The following NCK2 variants were observed in gnomAD, a reference collection of about 807,000 sequenced individuals.
The protein encoded by NCK2 is cytoplasmic protein NCK2.
Under a neutral mutation model 33.9 loss-of-function variants are expected in NCK2, and 16 were observed. The observed-to-expected ratio is 0.47, with a 90% confidence interval of 0.32 to 0.72. The LOEUF is 0.72. NCK2 is among the 30% of genes least tolerant of loss of function. The pLI is 0.03. For missense variants in NCK2, 418 were observed against 537.3 expected (o/e 0.78, Z 2.19); for synonymous variants, 273 against 239.9 (o/e 1.14, Z -1.27).
At position 105,766,170 on chromosome 2, in the gene NCK2, G is replaced by A. The variant is rs139446282; in HGVS notation, c.-201+21032G>A. Among the ~76,000 whole-genome samples, 431 of 152,200 alleles carry A rather than the reference G, an allele frequency of 2.8e-3. 4 individuals carry two copies. Among genetic ancestry groups the A allele is most frequent in the African/African-American group, 0.01 (419 of 41,496 alleles). On this transcript the variant is annotated intron_variant, in intron 1 of 4. Coordinates refer to ENST00000233154, the MANE Select transcript of NCK2 (RefSeq NM_003581.5). ...CAGGTGGGGCTGAGTGGGGAAGTGG[G>A]GCCTAGGAAGCACATTCTGGTAGCA...
At chr2:105,749,091 A>G (rs1689374801) in intron 1 of NCK2, among the ~76,000 whole-genome samples, 1 of 152,246 alleles carries the variant, frequency 6.6e-6, no homozygotes, top group South Asian at 2.1e-4. Flanking sequence ...AAACAAAGCC[A>G]ACCCCATACT....
chr2:105,812,774 A>G (rs1237056601), intron 1 of NCK2, among the ~76,000 whole-genome samples: 1 of 73,322 alleles, frequency 1.4e-5, no homozygotes, highest in East Asian at 4.3e-4. Flanking sequence ...CGAGTCCAAC[A>G]TCTGCTCATT....
intron 1 of NCK2, among the ~76,000 whole-genome samples, chr2:105,759,503 G>A (rs923530867): frequency 5.3e-5 from 8 of 151,784 alleles, no homozygotes; most frequent in African/African-American, 1.5e-4. Context: ...TTAAGTAAGC[G>A]CTTAATTTTA....
At chr2:105,760,445 G>A (rs1391702498) in intron 1 of NCK2, among the ~76,000 whole-genome samples, 1 of 152,166 alleles carries the variant, frequency 6.6e-6, no homozygotes. Flanking sequence ...CTCTGCTGTG[G>A]ATTAGCACTT....
intron 1 of NCK2, among the ~76,000 whole-genome samples, chr2:105,768,190 T>G (rs1467213740): frequency 6.6e-6 from 1 of 152,252 alleles, no homozygotes; most frequent in African/African-American, 2.4e-5. Flanking sequence ...ATTCATTTGC[T>G]TTCTTTGCCT....
rs377069887 is a variant in NCK2, at chr2:105,864,914, C to T, written c.226+9625C>T. On this transcript the variant is annotated intron_variant, in intron 3 of 4. Coordinates refer to ENST00000233154, the MANE Select transcript of NCK2 (RefSeq NM_003581.5). The stretch of plus-strand genomic sequence containing the variant: ...GGATGACTTTAGATGCAGTTAACAC[C>T]ATCCAAATAATACTAGAAAGAATAA... Among the ~76,000 whole-genome samples the T allele has an allele frequency of 8.6e-5, 13 of 151,534 alleles. No homozygotes were observed. The East Asian group carries it at 9.7e-4, about 11-fold the overall frequency.
In NCK2 at chr2:105,785,565, G is replaced by A. The variant is rs568810063; in HGVS notation, c.-200-30865G>A. 1.2e-4 allele frequency among the ~76,000 whole-genome samples: 19 copies of A among 152,292 alleles called. No individual in the cohort carries two copies. The South Asian group carries it at 1.9e-3, about 15-fold the overall frequency. On this transcript the variant is annotated intron_variant, in intron 1 of 4. Coordinates refer to ENST00000233154, the MANE Select transcript of NCK2 (RefSeq NM_003581.5). Reference sequence around the variant, plus strand: ...ACCTGGTCCCACTGACAGGTTTCCCGCTGTGAACAGTAAAGGGAAAGGCCC... The same window carrying A: ...ACCTGGTCCCACTGACAGGTTTCCCACTGTGAACAGTAAAGGGAAAGGCCC...
At chr2:105,866,483 G>A (rs902141830) in intron 3 of NCK2, among the ~76,000 whole-genome samples, 1 of 152,186 alleles carries the variant, frequency 6.6e-6, no homozygotes, top group Non-Finnish European at 1.5e-5. Flanking sequence ...TACATGGATG[G>A]TGGCAGGAGG....
chr2:105,823,503 T>C (rs1675827319), intron 2 of NCK2, among the ~76,000 whole-genome samples: 1 of 151,998 alleles, frequency 6.6e-6, no homozygotes, highest in East Asian at 1.9e-4. Flanking sequence ...AAATGGTTTC[T>C]TTAGAAATGT....
intron 2 of NCK2, among the ~76,000 whole-genome samples, chr2:105,824,672 C>T (rs1298301488): frequency 6.6e-6 from 1 of 152,098 alleles, no homozygotes; most frequent in Non-Finnish European, 1.5e-5. Context: ...ATCACTGGGG[C>T]GTGCTCATGT....
At chr2:105,859,483 G>T (rs556357741) in intron 3 of NCK2, among the ~76,000 whole-genome samples, 1 of 152,260 alleles carries the variant, frequency 6.6e-6, no homozygotes, top group East Asian at 1.9e-4. Flanking sequence ...GCCTAGCGTG[G>T]TTAGAAACTT....
At chr2:105,891,518 G>C (rs1447311475) in intron 4 of NCK2, among the ~76,000 whole-genome samples, 2 of 136,534 alleles carry the variant, frequency 1.5e-5, no homozygotes, top group African/African-American at 2.8e-5. Context: ...TTCAGCAAAT[G>C]AGATAAAAGA....
At chr2:105,811,673 G>A (rs1675297724) in intron 1 of NCK2, among the ~76,000 whole-genome samples, 1 of 152,182 alleles carries the variant, frequency 6.6e-6, no homozygotes, top group African/African-American at 2.4e-5. Flanking sequence ...AGTGTGTTCA[G>A]TGAAAATGCT....
chr2:105,809,065 G>A (rs1181082156), intron 1 of NCK2, among the ~76,000 whole-genome samples: 1 of 152,238 alleles, frequency 6.6e-6, no homozygotes, highest in Non-Finnish European at 1.5e-5. Context: ...GGCCCAGGAA[G>A]CCAGCTGTAG....
intron 2 of NCK2, among the ~76,000 whole-genome samples, chr2:105,835,417 A>ATGTG (rs375239852): frequency 3.5e-4 from 28 of 79,020 alleles, no homozygotes; most frequent in African/African-American, 5.5e-4. Flanking sequence ...GTGTATATAT[A>ATGTG]TATATATTTT....
chr2:105,793,833 T>C (rs1690978286), intron 1 of NCK2, among the ~76,000 whole-genome samples: 1 of 152,186 alleles, frequency 6.6e-6, no homozygotes, highest in Non-Finnish European at 1.5e-5. Flanking sequence ...CTTTAGACAG[T>C]GCCTACCCCA....
At chr2:105,804,177 A>G (rs1029282812) in intron 1 of NCK2, among the ~76,000 whole-genome samples, 1 of 152,154 alleles carries the variant, frequency 6.6e-6, no homozygotes, top group African/African-American at 2.4e-5. Context: ...GAGTCTAGAG[A>G]AAGCTTGAGA....
At position 105,879,722 on chromosome 2, in the gene NCK2, C is replaced by T. The variant is rs547723388; in HGVS notation, c.227-1606C>T. ...CAGTGGGAGGGGGGCAGCAGCCCAG[C>T]TCTCCACCATTGAGGACAATCAGCC... On this transcript the variant is annotated intron_variant, in intron 3 of 4. Transcript: ENST00000233154. Among the ~76,000 whole-genome samples the T allele has an allele frequency of 4.6e-5, 7 of 152,380 alleles. No individual in the cohort carries two copies. In the South Asian group the frequency reaches 1.4e-3, roughly 32 times the overall value.
intron 1 of NCK2, among the ~76,000 whole-genome samples, chr2:105,811,305 G>C (rs1449999551): frequency 6.6e-6 from 1 of 152,184 alleles, no homozygotes; most frequent in East Asian, 1.9e-4. Flanking sequence ...GTGGGGTGGT[G>C]GATGAGGGAA....
Sources: allele counts gnomAD v4.1 joint callset (sites outside exome capture counted in the v4.1 genomes callset), GRCh38; gene constraint gnomAD v4.1.1; transcripts MANE v1.5; gene names NCBI Gene and HGNC (gene_info 2026-07-23, HGNC 2026-07-21).